Variants in CDH18 observed in about 807,000 individuals in gnomAD.
The protein encoded by CDH18 is cadherin-18.
CDH18 carries 31 observed loss-of-function variants against 67.9 expected under a neutral mutation model. The observed-to-expected ratio is 0.46, with a 90% confidence interval of 0.34 to 0.62. CDH18 has a LOEUF of 0.62. Among genes scored for constraint, CDH18 ranks in the 20% least tolerant of loss-of-function variants. CDH18 has a pLI of 0.01. For missense variants in CDH18, 890 were observed against 975.5 expected (o/e 0.91, Z 1.17); for synonymous variants, 362 against 347.2 (o/e 1.04, Z -0.48).
chr5:20,483,332 T>G (rs1752945931), intron 1 of CDH18, among the ~76,000 whole-genome samples: 1 of 152,026 alleles, frequency 6.6e-6, no homozygotes, highest in South Asian at 2.1e-4. Context: ...TTGTTAAAAT[T>G]TCCATGCTAT....
At chr5:19,820,674 G>C (rs1368192611) in intron 3 of CDH18, among the ~76,000 whole-genome samples, 1 of 152,300 alleles carries the variant, frequency 6.6e-6, no homozygotes, top group Non-Finnish European at 1.5e-5. Flanking sequence ...TGGGGACCTA[G>C]CACCAGTATT....
chr5:19,734,224 T>G (rs112244998), intron 4 of CDH18, among the ~76,000 whole-genome samples: 2 of 152,220 alleles, frequency 1.3e-5, no homozygotes, highest in Non-Finnish European at 2.9e-5. Context: ...CATTATCATT[T>G]AAAAACTGAG....
At chr5:20,266,842 G>C (rs1307921928) in intron 1 of CDH18, among the ~76,000 whole-genome samples, 1 of 151,964 alleles carries the variant, frequency 6.6e-6, no homozygotes, top group Non-Finnish European at 1.5e-5. Flanking sequence ...TTCAGAGAGT[G>C]TCTTATACAA....
intron 1 of CDH18, among the ~76,000 whole-genome samples, chr5:20,423,270 G>A (rs1438207225): frequency 1.3e-5 from 2 of 151,194 alleles, no homozygotes; most frequent in East Asian, 3.9e-4. Flanking sequence ...AACAGATTCT[G>A]ATAATGGGAT....
intron 1 of CDH18, among the ~76,000 whole-genome samples, chr5:20,403,295 T>G (rs1745937814): frequency 6.6e-6 from 1 of 152,120 alleles, no homozygotes. Context: ...CAACTGTTAG[T>G]GTAGGTTCAG....
chr5:20,515,437 A>C (rs1230329804), intron 1 of CDH18, among the ~76,000 whole-genome samples: 1 of 152,010 alleles, frequency 6.6e-6, no homozygotes, highest in Non-Finnish European at 1.5e-5. Context: ...TTTCTTGGTC[A>C]TCTGTCTCCT....
chr5:20,541,067 C>T (rs539295789), intron 1 of CDH18, among the ~76,000 whole-genome samples: 23 of 152,002 alleles, frequency 1.5e-4, no homozygotes, highest in Non-Finnish European at 2.5e-4. Context: ...TTCAATCTAT[C>T]GGATTAAATA....
chr5:20,392,419 C>T (rs908073717), intron 1 of CDH18, among the ~76,000 whole-genome samples: 1 of 151,806 alleles, frequency 6.6e-6, no homozygotes, highest in Non-Finnish European at 1.5e-5. Flanking sequence ...TGGTCCCTAT[C>T]TCTTAACTTC....
At chr5:20,113,800 A>G (rs1048272693) in intron 2 of CDH18, among the ~76,000 whole-genome samples, 1 of 152,250 alleles carries the variant, frequency 6.6e-6, no homozygotes, top group Non-Finnish European at 1.5e-5. Context: ...AAGTCCAGAG[A>G]GAAGTTGAGA....
chr5:19,908,774 T>G (rs991055508), intron 2 of CDH18, among the ~76,000 whole-genome samples: 5 of 152,178 alleles, frequency 3.3e-5, no homozygotes, highest in Admixed American at 1.3e-4. Flanking sequence ...AATGATTAAA[T>G]TAATTATATT....
intron 5 of CDH18, among the ~76,000 whole-genome samples, chr5:19,668,358 T>C (rs1219656978): frequency 7.3e-6 from 1 of 136,678 alleles, no homozygotes; most frequent in African/African-American, 2.7e-5. Context: ...AATAGTCTAT[T>C]AGTTTCTATG....
chr5:20,374,571 A>T (rs2150089626), intron 1 of CDH18, among the ~76,000 whole-genome samples: 1 of 152,306 alleles, frequency 6.6e-6, no homozygotes, highest in Non-Finnish European at 1.5e-5. Context: ...CACTGAAGAC[A>T]CTTCTGAGTT....
intron 3 of CDH18, among the ~76,000 whole-genome samples, chr5:19,776,317 T>C (rs1176050362): frequency 6.6e-6 from 1 of 152,214 alleles, no homozygotes; most frequent in African/African-American, 2.4e-5. Context: ...TACAACATTA[T>C]ATTTCAGATT....
intron 2 of CDH18, among the ~76,000 whole-genome samples, chr5:20,159,990 AC>A (rs1163263873): frequency 1.3e-5 from 2 of 152,180 alleles, no homozygotes; most frequent in African/African-American, 4.8e-5. Flanking sequence ...ATAAACACAC[AC>A]AAAAAAATTT....
At chr5:20,106,106 A>G (rs906681472) in intron 2 of CDH18, among the ~76,000 whole-genome samples, 2 of 152,146 alleles carry the variant, frequency 1.3e-5, no homozygotes, top group African/African-American at 4.8e-5. Flanking sequence ...ATTCCCTGGC[A>G]GAAGATCATA....
chr5:19,711,086 T>C (rs551489773), intron 5 of CDH18, among the ~76,000 whole-genome samples: 11 of 152,174 alleles, frequency 7.2e-5, no homozygotes, highest in South Asian at 2.1e-4. Flanking sequence ...TTTCTCATTA[T>C]ATATAAAAAT....
intron 1 of CDH18, among the ~76,000 whole-genome samples, chr5:20,499,881 A>AT (rs1243179100): frequency 6.6e-6 from 1 of 152,166 alleles, no homozygotes; most frequent in Non-Finnish European, 1.5e-5. Flanking sequence ...ATATAAATTT[A>AT]TATTTATGTG....
intron 1 of CDH18, among the ~76,000 whole-genome samples, chr5:20,308,650 C>T (rs1452273335): frequency 6.6e-6 from 1 of 151,948 alleles, no homozygotes; most frequent in Admixed American, 6.6e-5. Context: ...ATAAAAGAAC[C>T]TACTAAGTTA....
At chr5:20,101,440 A>C (rs2150576861) in intron 2 of CDH18, among the ~76,000 whole-genome samples, 1 of 152,310 alleles carries the variant, frequency 6.6e-6, no homozygotes, top group African/African-American at 2.4e-5. Flanking sequence ...CCAATGAGAC[A>C]CAGATAAATA....
Sources: allele counts gnomAD v4.1 joint callset (sites outside exome capture counted in the v4.1 genomes callset), GRCh38; gene constraint gnomAD v4.1.1; transcripts MANE v1.5; gene names NCBI Gene and HGNC (gene_info 2026-07-23, HGNC 2026-07-21).